EEFSEC: variants seen among roughly 807,000 people sequenced by gnomAD.
EEFSEC encodes selenocysteine-specific elongation factor.
Under a neutral mutation model 42.1 loss-of-function variants are expected in EEFSEC, and 43 were observed. The observed-to-expected ratio is 1.02, with a 90% CI of 0.80 to 1.32. The LOEUF is 1.32. Ranked by LOEUF, EEFSEC falls within the 40% of genes most tolerant of loss-of-function variation. EEFSEC has a pLI of 0.00. For missense variants in EEFSEC, 745 were observed against 803.6 expected (o/e 0.93, Z 0.88); for synonymous variants, 354 against 339.1 (o/e 1.04, Z -0.48).
intron 6 of EEFSEC, among the ~76,000 whole-genome samples, chr3:128,387,736 T>C (rs1461198753): frequency 6.6e-6 from 1 of 151,596 alleles, no homozygotes; most frequent in Non-Finnish European, 1.5e-5. Flanking sequence ...CAGGCTCCAC[T>C]GGGGCTGGGG....
chr3:128,392,817 G>C (rs146548736), intron 6 of EEFSEC, among the ~76,000 whole-genome samples: 47 of 152,360 alleles, frequency 3.1e-4, no homozygotes, highest in African/African-American at 1.0e-3. Context: ...GCTGCCCTAG[G>C]CTCGCTGTCT....
chr3:128,238,593 C>T (rs1287886333), intron 1 of EEFSEC, among the ~76,000 whole-genome samples: 1 of 152,180 alleles, frequency 6.6e-6, no homozygotes, highest in African/African-American at 2.4e-5. Context: ...CTGCAGCCTC[C>T]ACCTCCTGGG....
At chr3:128,351,293 T>C (rs1336285408) in intron 5 of EEFSEC, among the ~76,000 whole-genome samples, 1 of 152,250 alleles carries the variant, frequency 6.6e-6, no homozygotes, top group East Asian at 1.9e-4. Context: ...CTCCCACAAT[T>C]TGACATCCAC....
intron 2 of EEFSEC, among the ~76,000 whole-genome samples, chr3:128,249,469 G>A (rs901179985): frequency 1.3e-5 from 2 of 151,950 alleles, no homozygotes; most frequent in African/African-American, 4.8e-5. Context: ...CCACATGTAA[G>A]TGTATAATTC....
chr3:128,256,669 A>G (rs578191636), intron 2 of EEFSEC, among the ~76,000 whole-genome samples: 2 of 152,320 alleles, frequency 1.3e-5, no homozygotes, highest in African/African-American at 4.8e-5. Flanking sequence ...TCAGTTTTCC[A>G]TGCATGATCA....
intron 1 of EEFSEC, among the ~76,000 whole-genome samples, chr3:128,164,150 A>G (rs1405550393): frequency 6.6e-6 from 1 of 152,092 alleles, no homozygotes; most frequent in Non-Finnish European, 1.5e-5. Context: ...GTGGTGGGAA[A>G]GGACCACATG....
At chr3:128,192,596 A>G (rs993683844) in intron 1 of EEFSEC, among the ~76,000 whole-genome samples, 2 of 152,014 alleles carry the variant, frequency 1.3e-5, no homozygotes, top group Non-Finnish European at 2.9e-5. Flanking sequence ...TGCCAATTTT[A>G]TCTGTAGCTT....
chr3:128,261,470 T>G (rs1022263525), intron 2 of EEFSEC, among the ~76,000 whole-genome samples: 1 of 151,710 alleles, frequency 6.6e-6, no homozygotes, highest in Non-Finnish European at 1.5e-5. Flanking sequence ...AAAGAATCCC[T>G]TGGCAAAGCA....
chr3:128,198,804 T>C (rs2065614077), intron 1 of EEFSEC, among the ~76,000 whole-genome samples: 1 of 151,932 alleles, frequency 6.6e-6, no homozygotes, highest in Non-Finnish European at 1.5e-5. Flanking sequence ...TTTTCATATG[T>C]GTGTTTTTTT....
chr3:128,394,334 C>T (rs975141697), intron 6 of EEFSEC, among the ~76,000 whole-genome samples: 1 of 152,178 alleles, frequency 6.6e-6, no homozygotes, highest in Non-Finnish European at 1.5e-5. Context: ...CACGGCCTCT[C>T]GCTCTGCTCT....
At chr3:128,406,835 C>T (rs1431518867) in intron 6 of EEFSEC, among the ~76,000 whole-genome samples, 1 of 151,060 alleles carries the variant, frequency 6.6e-6, no homozygotes, top group Non-Finnish European at 1.5e-5. Context: ...AACACACACA[C>T]AAATATATAT....
At chr3:128,384,510 G>T (rs1175406522) in intron 6 of EEFSEC, among the ~76,000 whole-genome samples, 1 of 152,212 alleles carries the variant, frequency 6.6e-6, no homozygotes, top group South Asian at 2.1e-4. Context: ...TTGCCAGCTT[G>T]TGGGGGCCTT....
intron 1 of EEFSEC, among the ~76,000 whole-genome samples, chr3:128,198,703 C>T (rs2065612614): frequency 1.3e-5 from 2 of 152,182 alleles, no homozygotes; most frequent in South Asian, 4.1e-4. Flanking sequence ...GTGTTGCTGG[C>T]ACCTTTCTGT....
chr3:128,337,251 C>G (rs2067200135), intron 4 of EEFSEC, among the ~76,000 whole-genome samples: 1 of 152,174 alleles, frequency 6.6e-6, no homozygotes, highest in African/African-American at 2.4e-5. Flanking sequence ...CTGCCCTGTC[C>G]CCATCTTTAT....
chr3:128,265,311 G>A (rs183991585), intron 4 of EEFSEC, among the ~76,000 whole-genome samples: 110 of 152,280 alleles, frequency 7.2e-4, no homozygotes, highest in African/African-American at 1.4e-3. Flanking sequence ...GGTGGCCATC[G>A]ACAGATGCCG....
rs367702108 is a variant in EEFSEC at position 128,262,475 on chromosome 3, C to T, written c.621+251C>T. 1.4e-3 allele frequency among the ~76,000 whole-genome samples: 213 copies of T among 152,334 alleles called. 1 individual carries two copies. The highest frequency in any genetic ancestry group is 4.9e-4 in the Non-Finnish European group (33 of 68,038). ...CTCCAGCCATAAACTCTGCAGAGCT[C>T]GTCACACCTTGCTGTGCCTCACTTT... is the stretch of plus-strand genomic sequence containing the variant. On this transcript the variant is annotated intron_variant, in intron 3 of 6. Transcript: ENST00000254730.
intron 6 of EEFSEC, among the ~76,000 whole-genome samples, chr3:128,380,823 G>A (rs1326529366): frequency 6.6e-6 from 1 of 152,240 alleles, no homozygotes; most frequent in Non-Finnish European, 1.5e-5. Context: ...CTCTAGGCAA[G>A]TAGGGTCACC....
intron 1 of EEFSEC, among the ~76,000 whole-genome samples, chr3:128,158,627 T>A (rs907144044): frequency 1.4e-4 from 21 of 152,278 alleles, no homozygotes; most frequent in African/African-American, 5.1e-4. Context: ...TGAATTATTT[T>A]AAAATTAAGG....
intron 4 of EEFSEC, among the ~76,000 whole-genome samples, chr3:128,278,540 T>C (rs1487388583): frequency 1.3e-5 from 2 of 152,210 alleles, no homozygotes; most frequent in Admixed American, 1.3e-4. Context: ...CTGACATAAG[T>C]GTCTGAAGCT....
Sources: allele counts gnomAD v4.1 joint callset (sites outside exome capture counted in the v4.1 genomes callset), GRCh38; gene constraint gnomAD v4.1.1; transcripts MANE v1.5; gene names NCBI Gene and HGNC (gene_info 2026-07-23, HGNC 2026-07-21).